Variants in DENND1B observed in about 807,000 individuals in gnomAD.
The protein encoded by DENND1B is DENN domain-containing protein 1B.
Under a neutral mutation model 90.1 loss-of-function variants are expected in DENND1B, and 59 were observed. The observed-to-expected ratio is 0.65, with a 90% confidence interval of 0.53 to 0.81. DENND1B has a LOEUF of 0.81. Ranked by LOEUF, DENND1B falls within the 40% of genes least tolerant of loss-of-function variation. The probability of loss-of-function intolerance (pLI) is 0.00; values close to 1 mark genes in which losing one functional copy is unlikely to be tolerated. For synonymous variants in DENND1B, 337 were observed against 324.6 expected, an observed-to-expected ratio of 1.04 and a Z score of -0.41; for missense variants, 862 against 912.6, an observed-to-expected ratio of 0.94 and a Z score of 0.71.
At chr1:197,627,509 G>T (rs1169225263) in intron 10 of DENND1B, among the ~76,000 whole-genome samples, 2 of 151,980 alleles carry the variant, frequency 1.3e-5, no homozygotes, top group African/African-American at 4.8e-5. Flanking sequence ...CAATAAATTA[G>T]GTATTGATGG....
intron 20 of DENND1B, among the ~76,000 whole-genome samples, chr1:197,518,482 G>A (rs1668552056): frequency 6.6e-6 from 1 of 151,844 alleles, no homozygotes; most frequent in Admixed American, 6.6e-5. Context: ...AGAAAACCAG[G>A]AACCTTAGCA....
rs1558433119 is a variant in DENND1B at position 197,713,828 on chromosome 1, T to TATATAATATATTATATATAATATATTATA, written c.126+1202_126+1203insTATAATATATTATATATAATATATTATAT. On this transcript the variant is annotated intron_variant, in intron 3 of 22. Coordinates refer to ENST00000620048, the MANE Select transcript of DENND1B (RefSeq NM_001195215.2). ...ATAATATATTATATATAATATATTA[T>TATATAATATATTATATATAATATATTATA]ATATAATATATTATATTATATTATT... Among the ~76,000 whole-genome samples, 114 of 23,016 alleles carry TATATAATATATTATATATAATATATTATA rather than the reference T, an allele frequency of 5.0e-3. 3 individuals carry two copies. The highest frequency in any genetic ancestry group is 6.2e-3 in the Non-Finnish European group (83 of 13,404). 15.1% of individuals were successfully genotyped at this position (23,016 alleles called of 152,430 possible). A position where few individuals can be genotyped will look rare whatever the true frequency, so the allele number is the denominator to read the frequency against.
chr1:197,668,438 C>T lies in DENND1B; in HGVS notation c.296+3599G>A, dbSNP rs569566977. On this transcript the variant is annotated intron_variant, in intron 5 of 22. Coordinates refer to ENST00000620048, the MANE Select transcript of DENND1B (RefSeq NM_001195215.2). ...GGTTACAAAATGTACCATAATATACCTAATCAATTCCTACTGAGGGGCATT... is the reference window on the plus strand; with the variant it reads ...GGTTACAAAATGTACCATAATATACTTAATCAATTCCTACTGAGGGGCATT... Among the ~76,000 whole-genome samples the T allele has an allele frequency of 1.6e-4, 25 of 151,754 alleles. No homozygotes were observed. The South Asian group carries it at 2.3e-3, about 14-fold the overall frequency.
At chr1:197,751,775 C>A (rs917455824) in intron 2 of DENND1B, among the ~76,000 whole-genome samples, 1 of 148,890 alleles carries the variant, frequency 6.7e-6, no homozygotes, top group Non-Finnish European at 1.5e-5. Context: ...ACCCAGGAGG[C>A]GGAGGTTGCA....
chr1:197,569,214 A>G (rs1672940995), intron 15 of DENND1B, among the ~76,000 whole-genome samples: 1 of 152,148 alleles, frequency 6.6e-6, no homozygotes, highest in African/African-American at 2.4e-5. Flanking sequence ...GCAAATTAAA[A>G]CCACAGTGAG....
intron 1 of DENND1B, among the ~76,000 whole-genome samples, chr1:197,773,857 A>C (rs2477068): frequency 0.011 from 1,609 of 152,316 alleles, 22 homozygotes; most frequent in African/African-American, 0.037. Context: ...TTAATATCTC[A>C]GTTATTCCTG....
chr1:197,707,545 CAT>C (rs1659676445), intron 3 of DENND1B, among the ~76,000 whole-genome samples: 1 of 148,328 alleles, frequency 6.7e-6, no homozygotes, highest in African/African-American at 2.5e-5. Context: ...ATATCTATAT[CAT>C]TATCACCCAT....
chr1:197,696,040 T>C (rs978572112), intron 3 of DENND1B, among the ~76,000 whole-genome samples: 4 of 151,230 alleles, frequency 2.6e-5, no homozygotes, highest in Non-Finnish European at 4.4e-5. Context: ...ACCTGCATCC[T>C]TTTTTTATTC....
chr1:197,552,951 CA>C, intron 16 of DENND1B, 70 bp downstream of exon 16: 3 of 1,539,638 alleles, frequency 1.9e-6, no homozygotes, highest in Non-Finnish European at 2.6e-6. Flanking sequence ...TAGGTTTTAT[CA>C]GACACAAGTG....
intron 2 of DENND1B, among the ~76,000 whole-genome samples, chr1:197,741,331 C>T (rs1440604646): frequency 2.0e-5 from 3 of 152,040 alleles, no homozygotes. Flanking sequence ...GGATGTATTA[C>T]CCAAAAAAGG....
chr1:197,768,188 CTCCTCCTTCTCCTCCTCCTCT>C (rs1280219645), intron 2 of DENND1B, among the ~76,000 whole-genome samples: 2 of 151,874 alleles, frequency 1.3e-5, no homozygotes, highest in Non-Finnish European at 2.9e-5. Context: ...CCTCCTCGTC[CTCCTCCTTCTCCTCCTCCTCT>C]TCCTCCTGCT....
intron 3 of DENND1B, among the ~76,000 whole-genome samples, chr1:197,684,763 A>C (rs1024481179): frequency 1.3e-5 from 2 of 152,220 alleles, no homozygotes; most frequent in Non-Finnish European, 2.9e-5. Flanking sequence ...ACTTATAAAT[A>C]AGAGCTTAAA....
intron 13 of DENND1B, among the ~76,000 whole-genome samples, chr1:197,600,622 A>C (rs1193428242): frequency 6.6e-6 from 1 of 151,866 alleles, no homozygotes; most frequent in African/African-American, 2.4e-5. Flanking sequence ...TGATCTAAGA[A>C]TGAGTATTCA....
At chr1:197,628,606 A>G (rs941537694) in intron 10 of DENND1B, among the ~76,000 whole-genome samples, 1 of 152,218 alleles carries the variant, frequency 6.6e-6, no homozygotes, top group African/African-American at 2.4e-5. Flanking sequence ...CATTCAGGAC[A>G]TAGGCATGGG....
At chr1:197,772,965 G>A in intron 1 of DENND1B, 33 bp from the exon 2 acceptor site, 1 of 1,505,482 alleles carries the variant, frequency 6.6e-7, no homozygotes, top group East Asian at 2.4e-5. Context: ...AATTTCCTAT[G>A]ACAAATAAAC....
intron 3 of DENND1B, among the ~76,000 whole-genome samples, chr1:197,688,482 A>C (rs566985571): frequency 1.3e-5 from 2 of 152,128 alleles, no homozygotes; most frequent in South Asian, 4.1e-4. Flanking sequence ...CATATAACCA[A>C]TGGAACAAAA....
chr1:197,734,809 TA>T, intron 2 of DENND1B: 4 of 983,734 alleles, frequency 4.1e-6, no homozygotes, highest in Non-Finnish European at 4.8e-6. Context: ...GCTTTTTTTT[TA>T]ACCTACAACA....
intron 2 of DENND1B, among the ~76,000 whole-genome samples, chr1:197,722,078 C>T (rs1661233369): frequency 6.6e-6 from 1 of 152,028 alleles, no homozygotes; most frequent in Non-Finnish European, 1.5e-5. Flanking sequence ...GAAAATTTTT[C>T]TTGCTGTAAT....
chr1:197,653,575 A>C (rs1447179177), intron 6 of DENND1B, among the ~76,000 whole-genome samples: 1 of 152,144 alleles, frequency 6.6e-6, no homozygotes, highest in African/African-American at 2.4e-5. Flanking sequence ...TACTACAATT[A>C]CAGATTTATT....
Sources: allele counts gnomAD v4.1 joint callset (sites outside exome capture counted in the v4.1 genomes callset), GRCh38; gene constraint gnomAD v4.1.1; transcripts MANE v1.5; gene names NCBI Gene and HGNC (gene_info 2026-07-23, HGNC 2026-07-21).